Variants in TYRO3 observed in about 807,000 individuals in gnomAD.
TYRO3 encodes tyrosine-protein kinase receptor TYRO3.
In TYRO3, 38 loss-of-function variants were observed where a neutral mutation model predicts 95.2. The observed-to-expected ratio is 0.40, with a 90% CI of 0.31 to 0.52. TYRO3 has a LOEUF of 0.52. TYRO3 is among the 20% of genes least tolerant of loss of function. TYRO3 has a pLI of 0.56. For missense variants in TYRO3, 812 were observed against 1,116.4 expected, an observed-to-expected ratio of 0.73 and a Z score of 3.89; for synonymous variants, 367 against 432.9, an observed-to-expected ratio of 0.85 and a Z score of 1.89.
chr15:41,564,341 A>G (rs2055694736), intron 5 of TYRO3, 71 bp downstream of exon 5: 1 of 1,487,534 alleles, frequency 6.7e-7, no homozygotes, highest in Non-Finnish European at 9.4e-7. Context: ...CAGCAGTTAG[A>G]ATCATTCTGT....
In TYRO3 at chr15:41,573,130, T is replaced by C. The variant is rs1299774699; in HGVS notation, c.1985+19T>C. 18 of 997,320 alleles carry C rather than the reference T, an allele frequency of 1.8e-5. No homozygotes were observed. The highest frequency in any genetic ancestry group is 2.4e-5 in the Non-Finnish European group (16 of 671,422). The allele number at this position is 997,320 out of a possible 1,614,324, so 61.8% of individuals were successfully genotyped here. A position where few individuals can be genotyped will look rare whatever the true frequency, so the allele number is the denominator to read the frequency against. On this transcript the variant is annotated intron_variant, in intron 16 of 18. Coordinates refer to ENST00000263798, the MANE Select transcript of TYRO3 (RefSeq NM_006293.4). ...ATTGCATGTACGAATTCTGGAGGAC[T>C]CGAGGGTGGGAGACAGCAGCAGGTG...
At position 41,579,939 on chromosome 15, in the gene TYRO3, A is replaced by G. The variant is rs1014133848; in HGVS notation, c.*1663A>G. Reference sequence around the variant, plus strand: ...CGCCCGGCTAATTTTTTGTATTTTTAGTAGAGATAGGGTTTCACCGTATTA... The same window carrying G: ...CGCCCGGCTAATTTTTTGTATTTTTGGTAGAGATAGGGTTTCACCGTATTA... On this transcript the variant is annotated 3_prime_UTR_variant, in exon 19 of 19. Transcript: ENST00000263798. 1.3e-5 allele frequency: 2 copies of G among 151,158 alleles called. No individual in the cohort carries two copies. The highest frequency in any genetic ancestry group is 2.4e-5 in the African/African-American group (1 of 41,076). The allele number at this position is 151,158 out of a possible 1,614,324, so 9.4% of individuals were successfully genotyped here.
rs190921719 is a variant in TYRO3 at position 41,565,787 on chromosome 15, C to G, written c.783+646C>G. Among the ~76,000 whole-genome samples, 183 of 152,042 alleles carry G rather than the reference C, an allele frequency of 1.2e-3. 1 individual carries two copies. The highest frequency in any genetic ancestry group is 1.5e-3 in the Non-Finnish European group (99 of 67,992). Reference sequence around the variant, plus strand: ...TTGCTGATACTCACCCTATCATGCTCCACCTTACCCCCCAACCCCCACTCA... The same window carrying G: ...TTGCTGATACTCACCCTATCATGCTGCACCTTACCCCCCAACCCCCACTCA... On this transcript the variant is annotated intron_variant, in intron 6 of 18. Coordinates refer to ENST00000263798, the MANE Select transcript of TYRO3 (RefSeq NM_006293.4).
intron 14 of TYRO3, 92 bp from the exon 15 acceptor site, chr15:41,572,351 A>C: frequency 5.9e-5 from 88 of 1,493,394 alleles, no homozygotes; most frequent in Non-Finnish European, 7.8e-5. Flanking sequence ...AGCCAGAGCT[A>C]GAGATGGGAC....
At chr15:41,570,562 G>A (rs1232139889) in intron 11 of TYRO3, 42 bp from the exon 12 acceptor site, 1 of 1,602,016 alleles carries the variant, frequency 6.2e-7, no homozygotes, top group Admixed American at 1.7e-5. Flanking sequence ...TTTTGGCTCA[G>A]GAATCAGAGA....
intron 2 of TYRO3, 100 bp downstream of exon 2, chr15:41,561,410 G>T: frequency 1.3e-6 from 2 of 1,488,534 alleles, no homozygotes; most frequent in Non-Finnish European, 1.8e-6. Context: ...ATGCCCAGAG[G>T]TCTGTGGTTT....
chr15:41,577,633 C>T (rs1014783035), intron 18 of TYRO3: 2 of 315,212 alleles, frequency 6.3e-6, no homozygotes, highest in South Asian at 4.1e-5. Flanking sequence ...GGACTACAGG[C>T]GTGTCTACCA....
At chr15:41,574,857 C>G in intron 18 of TYRO3, 2 of 409,102 alleles carry the variant, frequency 4.9e-6, no homozygotes, top group South Asian at 3.6e-5. Flanking sequence ...GTAGCTGGGA[C>G]TACAGGCACG....
intron 16 of TYRO3, 68 bp downstream of exon 16, chr15:41,573,179 G>A (rs2055819947): frequency 3.5e-6 from 5 of 1,413,202 alleles, no homozygotes; most frequent in East Asian, 2.3e-5. Context: ...GCTGATGGTC[G>A]GCTCCTGCCT....
chr15:41,577,919 C>T lies in TYRO3; in HGVS notation c.2316C>T (p.Asp772=). The T allele has an allele frequency of 6.2e-7, 1 of 1,612,892 alleles. No homozygotes were observed. The highest frequency in any genetic ancestry group is 8.5e-7 in the Non-Finnish European group (1 of 1,180,030). Residue 772 remains aspartate (D), a synonymous_variant, in exon 19 of 19, where the codon GAC becomes GAT. Transcript: ENST00000263798. ...YDLMYQCWSA[D]PKQRPSFTCL... is the part of the protein sequence containing the mutation. ...TCATGTACCAGTGCTGGAGTGCTGA[C>T]CCCAAGCAGCGCCCGAGCTTTACTT...
At chr15:41,575,159 G>T (rs1443655819) in intron 18 of TYRO3, among the ~76,000 whole-genome samples, 3 of 152,208 alleles carry the variant, frequency 2.0e-5, no homozygotes, top group African/African-American at 7.2e-5. Context: ...CTGATGGTGG[G>T]GTCCTTCCCT....
chr15:41,578,674 T>A lies in TYRO3; in HGVS notation c.*398T>A. Reference sequence around the variant, plus strand: ...GCTTAAGTGCATGCATTGAGCTGCCTCCAGCCTGGTGGCCCAGCTATTACC... The same window carrying A: ...GCTTAAGTGCATGCATTGAGCTGCCACCAGCCTGGTGGCCCAGCTATTACC... On this transcript the variant is annotated 3_prime_UTR_variant, in exon 19 of 19. Coordinates refer to ENST00000263798, the MANE Select transcript of TYRO3 (RefSeq NM_006293.4). 4.0e-6 allele frequency: 1 copy of A among 250,194 alleles called. No individual in the cohort carries two copies. Among genetic ancestry groups the A allele is most frequent in the South Asian group, 7.8e-5 (1 of 12,740 alleles). The allele number at this position is 250,194 out of a possible 1,614,324, so 15.5% of individuals were successfully genotyped here.
intron 18 of TYRO3, among the ~76,000 whole-genome samples, chr15:41,576,491 C>A (rs1255207090): frequency 2.0e-5 from 3 of 151,926 alleles, no homozygotes; most frequent in South Asian, 2.1e-4. Flanking sequence ...CCTTGCCCAA[C>A]CAATTTTTGT....
chr15:41,571,012 T>A (rs749256593), intron 12 of TYRO3, 26 bp from the exon 13 acceptor site: 61 of 1,438,928 alleles, frequency 4.2e-5, no homozygotes, highest in Non-Finnish European at 5.9e-5. Flanking sequence ...CCAAGGAGAC[T>A]CTCCCTTACT....
At chr15:41,564,102 A>C in intron 4 of TYRO3, 82 bp from the exon 5 acceptor site, 1 of 1,305,620 alleles carries the variant, frequency 7.7e-7, no homozygotes, top group Non-Finnish European at 1.1e-6. Context: ...TGTTCAGACC[A>C]GAGCCTGAGT....
rs780101888 is a variant in TYRO3 at position 41,568,913 on chromosome 15, G to C, written c.1143G>C (p.Leu381Phe). 13 of 1,612,756 alleles carry C rather than the reference G, an allele frequency of 8.1e-6. No individual in the cohort carries two copies. The highest frequency in any genetic ancestry group is 1.0e-5 in the Non-Finnish European group (12 of 1,179,998). ...ELTVEGTRAN[L>F]TGWDPQKDLI... ...CAGTGGAGGGGACCAGGGCCAATTT[G>C]ACAGGCTGGGATCCCCAAAAGGACC... The change falls in exon 9 of 19, where the codon TTG (leucine) becomes TTC (phenylalanine). Residue 381 changes from leucine to phenylalanine, a missense_variant. Transcript: ENST00000263798.
Position 41,561,567 on chromosome 15 carries a change from G to T in TYRO3, c.337G>T (p.Gly113Cys), listed in dbSNP as rs779525388. The part of the protein sequence containing the change: ...SLKSVERSDA[G>C]RYWCQVEDGG... Reference sequence around the variant, plus strand: ...GAAGTCAGTGGAGCGCTCTGACGCCGGCCGGTACTGGTGCCAGGTGGAGGA... The same window carrying T: ...GAAGTCAGTGGAGCGCTCTGACGCCTGCCGGTACTGGTGCCAGGTGGAGGA... Residue 113 changes from glycine to cysteine, a missense_variant, in exon 3 of 19, where the codon GGC becomes TGC. Gly to Cys is a radical substitution (Grantham distance 159, BLOSUM62 -3). Transcript: ENST00000263798. 1 of 1,592,900 alleles carries T rather than the reference G, an allele frequency of 6.3e-7. No homozygotes were observed. Among genetic ancestry groups the T allele is most frequent in the Non-Finnish European group, 8.5e-7 (1 of 1,171,288 alleles).
In TYRO3 at chr15:41,578,592, G is replaced by A; in HGVS notation, c.*316G>A. 6.9e-6 allele frequency: 3 copies of A among 434,286 alleles called. No individual in the cohort carries two copies. In the South Asian group the frequency reaches 7.8e-5, roughly 11 times the overall value. The allele number at this position is 434,286 out of a possible 1,614,324, so 26.9% of individuals were successfully genotyped here. On this transcript the variant is annotated 3_prime_UTR_variant, in exon 19 of 19. Coordinates refer to ENST00000263798, the MANE Select transcript of TYRO3 (RefSeq NM_006293.4). ...GGTTACCATGGGTGTGGATGGCAGT[G>A]TGGGGAGGGCAGGTCCAGCTCTGTG...
chr15:41,572,037 C>T (rs1054444472), intron 14 of TYRO3, among the ~76,000 whole-genome samples: 22 of 151,584 alleles, frequency 1.5e-4, no homozygotes, highest in Admixed American at 1.3e-4. Context: ...CACACACACA[C>T]GTATACAAAA....
Sources: allele counts gnomAD v4.1 joint callset (sites outside exome capture counted in the v4.1 genomes callset), GRCh38; gene constraint gnomAD v4.1.1; transcripts MANE v1.5; gene names NCBI Gene and HGNC (gene_info 2026-07-23, HGNC 2026-07-21).